Variants in PCDHA1 observed in about 807,000 individuals in gnomAD.
PCDHA1 encodes the protein protocadherin alpha-1.
A neutral mutation model predicts 61.3 loss-of-function variants in PCDHA1; 42 were observed. The observed-to-expected ratio is 0.69, with a 90% CI of 0.54 to 0.89. The LOEUF is 0.89. Among genes scored for constraint, PCDHA1 ranks in the 40% least tolerant of loss-of-function variants. The probability of loss-of-function intolerance (pLI) is 0.00; values close to 1 mark genes in which losing one functional copy is unlikely to be tolerated. For missense variants in PCDHA1, 1,256 were observed against 1,235.3 expected, an observed-to-expected ratio of 1.02 and a Z score of -0.25; for synonymous variants, 610 against 553.8, an observed-to-expected ratio of 1.10 and a Z score of -1.43.
At chr5:140,968,474 G>A (rs1394773296) in intron 1 of PCDHA1, 2 of 1,614,110 alleles carry the variant, frequency 1.2e-6, no homozygotes, top group Non-Finnish European at 1.7e-6. Flanking sequence ...CGTATATGTG[G>A]TGGACATGAA....
At chr5:140,857,653 C>A (rs1466552947) in intron 1 of PCDHA1, 6 of 1,596,508 alleles carry the variant, frequency 3.8e-6, no homozygotes, top group Non-Finnish European at 5.1e-6. Flanking sequence ...TCCAGGTGAG[C>A]GCGCGCGATG....
intron 3 of PCDHA1, among the ~76,000 whole-genome samples, chr5:140,999,874 T>G (rs897953919): frequency 6.6e-6 from 1 of 152,122 alleles, no homozygotes; most frequent in Admixed American, 6.5e-5. Flanking sequence ...TTACTGAAAA[T>G]TAGCCCAGCT....
intron 3 of PCDHA1, among the ~76,000 whole-genome samples, chr5:141,008,262 G>T (rs1178355094): frequency 6.6e-6 from 1 of 152,198 alleles, no homozygotes; most frequent in Non-Finnish European, 1.5e-5. Flanking sequence ...AGGAGACTGA[G>T]AAGTAATAGG....
At chr5:140,859,744 T>C (rs1554152696) in intron 1 of PCDHA1, 2 of 154,298 alleles carry the variant, frequency 1.3e-5, no homozygotes, top group African/African-American at 2.4e-5. Context: ...AAGCATGGCA[T>C]TCTTTCAGTG....
At chr5:140,802,485 G>A (rs782408810) in intron 1 of PCDHA1, 1 of 1,614,166 alleles carries the variant, frequency 6.2e-7, no homozygotes, top group Non-Finnish European at 8.5e-7. Context: ...TGCTCGGGAC[G>A]GGGGCTCGCC....
intron 1 of PCDHA1, among the ~76,000 whole-genome samples, chr5:140,840,861 A>G (rs1776915355): frequency 6.6e-6 from 1 of 152,012 alleles, no homozygotes; most frequent in African/African-American, 2.4e-5. Flanking sequence ...ACACGAAACT[A>G]TGGAGGACAG....
intron 1 of PCDHA1, among the ~76,000 whole-genome samples, chr5:140,805,814 T>A (rs569949433): frequency 6.6e-6 from 1 of 152,128 alleles, no homozygotes; most frequent in Non-Finnish European, 1.5e-5. Context: ...ATAGAGGCTA[T>A]TGAAACACCA....
chr5:140,861,378 C>A, intron 1 of PCDHA1: 1 of 421,170 alleles, frequency 2.4e-6, no homozygotes. Flanking sequence ...CCCTATTGCG[C>A]AGGACCTGGG....
intron 1 of PCDHA1, among the ~76,000 whole-genome samples, chr5:140,792,914 T>G (rs1255194656): frequency 1.3e-5 from 2 of 152,210 alleles, no homozygotes; most frequent in African/African-American, 4.8e-5. Flanking sequence ...CCTCCACTTT[T>G]CAGTTCACAT....
At chr5:140,808,364 G>A (rs76650315) in intron 1 of PCDHA1, 6 of 1,614,170 alleles carry the variant, frequency 3.7e-6, no homozygotes, top group African/African-American at 2.7e-5. Flanking sequence ...GACGTCCCAC[G>A]TCCCCTTCAA....
At chr5:140,838,892 G>A (rs2150293495) in intron 1 of PCDHA1, among the ~76,000 whole-genome samples, 5 of 151,826 alleles carry the variant, frequency 3.3e-5, no homozygotes, top group Non-Finnish European at 5.9e-5. Context: ...TCCAGCCTAG[G>A]TGACAGAGCA....
intron 1 of PCDHA1, chr5:140,869,303 C>T (rs1403563775): frequency 6.2e-7 from 1 of 1,613,586 alleles, no homozygotes; most frequent in Non-Finnish European, 8.5e-7. Flanking sequence ...TTCCGGGTGG[C>T]GTCCAAAACA....
Position 140,828,813 on chromosome 5 carries a change from C to G in PCDHA1, c.2394+40129C>G, listed in dbSNP as rs2150159303. On this transcript the variant is annotated intron_variant, in intron 1 of 3. Coordinates refer to ENST00000504120, the MANE Select transcript of PCDHA1 (RefSeq NM_018900.4). ...CTGGATGTGAATGATAATGCTCCCA[C>G]TTTCGAACAGTCTGAATACGAAGTA... is the stretch of plus-strand genomic sequence containing the variant. 2.5e-6 allele frequency: 4 copies of G among 1,614,220 alleles called. No individual in the cohort carries two copies. The South Asian group carries it at 4.4e-5, about 18-fold the overall frequency.
intron 1 of PCDHA1, among the ~76,000 whole-genome samples, chr5:140,960,750 A>C (rs1367583531): frequency 6.6e-6 from 1 of 152,048 alleles, no homozygotes; most frequent in African/African-American, 2.4e-5. Context: ...CATGGCTAAA[A>C]TCCCAAGAGT....
chr5:140,878,800 A>T (rs1324441458), intron 1 of PCDHA1, among the ~76,000 whole-genome samples: 1 of 152,182 alleles, frequency 6.6e-6, no homozygotes, highest in Non-Finnish European at 1.5e-5. Context: ...CTTTTTAAAA[A>T]CATATGGGGG....
rs782026939 is a variant in PCDHA1, at chr5:140,883,016, A to T, written c.2394+94332A>T. 6.8e-6 allele frequency: 11 copies of T among 1,614,158 alleles called. No individual in the cohort carries two copies. The Admixed American group carries it at 1.7e-4, about 24-fold the overall frequency. On this transcript the variant is annotated intron_variant, in intron 1 of 3. Coordinates refer to ENST00000504120, the MANE Select transcript of PCDHA1 (RefSeq NM_018900.4). ...ATTTTACCAATCCGTTTATAAAGTG[A>T]CGGTGTTAGAGAACGCCTTCAATGG...
At chr5:140,806,068 C>T (rs1380566226) in intron 1 of PCDHA1, among the ~76,000 whole-genome samples, 4 of 152,094 alleles carry the variant, frequency 2.6e-5, no homozygotes, top group Admixed American at 6.5e-5. Context: ...CACCCTGGTG[C>T]TGCAGTTTGT....
chr5:140,844,185 T>G (rs1554140558), intron 1 of PCDHA1, among the ~76,000 whole-genome samples: 2 of 149,886 alleles, frequency 1.3e-5, no homozygotes, highest in Non-Finnish European at 3.0e-5. Flanking sequence ...TTTATTCATC[T>G]TATCTGACTT....
chr5:140,969,536 C>A, intron 1 of PCDHA1: 1 of 1,332,634 alleles, frequency 7.5e-7, no homozygotes, highest in South Asian at 1.6e-5. Flanking sequence ...TTTTCATTTT[C>A]AGAGGCATGA....
Sources: gnomAD v4.1 joint callset for allele counts (sites outside exome capture counted in the v4.1 genomes callset) on GRCh38, gnomAD v4.1.1 for gene constraint, MANE v1.5 for transcripts, NCBI Gene and HGNC (gene_info 2026-07-23, HGNC 2026-07-21) for gene names.